Variants in UTRN observed in about 807,000 individuals in gnomAD.
UTRN encodes the protein utrophin.
A neutral mutation model predicts 463.9 loss-of-function variants in UTRN; 283 were observed. The observed-to-expected ratio is 0.61, with a 90% CI of 0.55 to 0.67. The LOEUF (loss-of-function observed/expected upper bound fraction) is 0.67. Among genes scored for constraint, UTRN ranks in the 30% least tolerant of loss-of-function variants. The probability of loss-of-function intolerance (pLI) is 0.00; values close to 1 mark genes in which losing one functional copy is unlikely to be tolerated. For missense variants in UTRN, 3,922 were observed against 4,084.3 expected (o/e 0.96, Z 1.08); for synonymous variants, 1,442 against 1,431.5 (o/e 1.01, Z -0.17).
chr6:144,846,512 T>C (rs1034183235), intron 73 of UTRN, among the ~76,000 whole-genome samples: 41 of 152,186 alleles, frequency 2.7e-4, no homozygotes, highest in Admixed American at 2.2e-3. Flanking sequence ...ATGATTTAAA[T>C]AGGAAATGAG....
chr6:144,732,036 A>AT (rs913960519), intron 54 of UTRN, among the ~76,000 whole-genome samples: 8 of 151,362 alleles, frequency 5.3e-5, no homozygotes, highest in South Asian at 2.1e-4. Flanking sequence ...TAGTTTTCAT[A>AT]TTTTTAGTAG....
chr6:144,821,248 A>G (rs886114812), intron 66 of UTRN, among the ~76,000 whole-genome samples: 1 of 152,200 alleles, frequency 6.6e-6, no homozygotes, highest in Non-Finnish European at 1.5e-5. Flanking sequence ...AAAAATATGT[A>G]TTAATATGTC....
intron 16 of UTRN, among the ~76,000 whole-genome samples, chr6:144,448,310 A>ATTCC (rs769519651): frequency 1.6e-4 from 24 of 152,252 alleles, no homozygotes; most frequent in Non-Finnish European, 2.8e-4. Context: ...ATACGCTATG[A>ATTCC]TTCCATTCAT....
chr6:144,511,227 TCA>T, intron 35 of UTRN, 104 bp downstream of exon 35: 2 of 1,103,018 alleles, frequency 1.8e-6, no homozygotes, highest in Non-Finnish European at 2.4e-6. Flanking sequence ...TTACTGTGTG[TCA>T]CAGTGATGTT....
chr6:144,375,749 C>T (rs909188087), intron 2 of UTRN, among the ~76,000 whole-genome samples: 1 of 152,150 alleles, frequency 6.6e-6, no homozygotes, highest in Admixed American at 6.5e-5. Context: ...CCCTGCCAGG[C>T]GGCTGCCTGG....
intron 71 of UTRN, among the ~76,000 whole-genome samples, chr6:144,838,578 G>T (rs902075674): frequency 6.6e-6 from 1 of 152,238 alleles, no homozygotes; most frequent in African/African-American, 2.4e-5. Context: ...TAAGTGTCAG[G>T]CTGTTCTAAC....
intron 2 of UTRN, among the ~76,000 whole-genome samples, chr6:144,341,023 C>G (rs1777099862): frequency 6.6e-6 from 1 of 152,194 alleles, no homozygotes; most frequent in Admixed American, 6.5e-5. Flanking sequence ...ACCTTGTTTG[C>G]TCCTGAGCTA....
At chr6:144,597,009 T>A (rs576548817) in intron 51 of UTRN, among the ~76,000 whole-genome samples, 1 of 152,224 alleles carries the variant, frequency 6.6e-6, no homozygotes, top group Non-Finnish European at 1.5e-5. Flanking sequence ...GAGGCCAAGG[T>A]GGACAGATCA....
Position 144,769,221 on chromosome 6 carries a change from G to A in UTRN, c.8496-2686G>A, listed in dbSNP as rs190534000. ...GGCAAGAGGAGCTGAGCTATCTGCA[G>A]CTGTTCAAATACTTTAAGCCTTTGG... is the stretch of plus-strand genomic sequence containing the variant. On this transcript the variant is annotated intron_variant, in intron 58 of 74. Coordinates refer to ENST00000367545, the MANE Select transcript of UTRN (RefSeq NM_007124.3). Among the ~76,000 whole-genome samples, 84 of 151,986 alleles carry A rather than the reference G, an allele frequency of 5.5e-4. 1 individual carries two copies. The East Asian group carries it at 0.016, about 29-fold the overall frequency.
chr6:144,444,871 C>A lies in UTRN; in HGVS notation c.1614+489C>A, dbSNP rs997069689. ...CTTTGATTTAACACTGGATTAATTG[C>A]ATATTTTTTCCACTAAGTGTTATCA... is the stretch of plus-strand genomic sequence containing the variant. On this transcript the variant is annotated intron_variant, in intron 14 of 74. Coordinates refer to ENST00000367545, the MANE Select transcript of UTRN (RefSeq NM_007124.3). Among the ~76,000 whole-genome samples the A allele has an allele frequency of 1.7e-4, 26 of 152,146 alleles. 1 individual carries two copies. The highest frequency in any genetic ancestry group is 1.6e-3 in the Admixed American group (24 of 15,278).
In UTRN at chr6:144,318,645, G is replaced by A. The variant is rs193170601; in HGVS notation, c.79+26738G>A. 1.2e-3 allele frequency among the ~76,000 whole-genome samples: 176 copies of A among 152,232 alleles called. 1 individual carries two copies. The East Asian group carries it at 0.029, about 25-fold the overall frequency. ...CGCCTGGCTAATTTTTGTATTTTTA[G>A]TAGAGATGGGGTTTCATCATGTTGG... On this transcript the variant is annotated intron_variant, in intron 2 of 74. Coordinates refer to ENST00000367545, the MANE Select transcript of UTRN (RefSeq NM_007124.3).
chr6:144,526,697 T>C (rs2128598985), intron 41 of UTRN, among the ~76,000 whole-genome samples: 1 of 152,126 alleles, frequency 6.6e-6, no homozygotes, highest in East Asian at 1.9e-4. Flanking sequence ...ATTATTGAGA[T>C]ATGAGGTACT....
chr6:144,736,391 T>C (rs1265692274), intron 54 of UTRN, among the ~76,000 whole-genome samples: 1 of 152,210 alleles, frequency 6.6e-6, no homozygotes, highest in Non-Finnish European at 1.5e-5. Flanking sequence ...TCACCTCTTT[T>C]CTTTTAGGTA....
At chr6:144,687,164 G>A (rs1371089315) in intron 52 of UTRN, among the ~76,000 whole-genome samples, 1 of 152,068 alleles carries the variant, frequency 6.6e-6, no homozygotes, top group Middle Eastern at 3.2e-3. Flanking sequence ...ATGTGCTGTT[G>A]GATTTGGTTT....
At position 144,286,136 on chromosome 6, in the gene UTRN, T is replaced by TGCTCCCCTAATCTTCCTCCCC. The variant is rs1803635658; in HGVS notation, c.-93+318_-93+338dup. On this transcript the variant is annotated intron_variant, in intron 1 of 74. Transcript: ENST00000367545. This position sits in a 1 kb window ranked among gnomAD's most constrained non-coding sequence, Gnocchi z 4.4. Reference sequence around the variant, plus strand: ...TCTGACCAGCTCTGTGCTGCCTCCCTGCTCCCCTAATCTTCCTCCCCGCCG... The same window carrying TGCTCCCCTAATCTTCCTCCCC: ...TCTGACCAGCTCTGTGCTGCCTCCCTGCTCCCCTAATCTTCCTCCCCGCTCCCCTAATCTTCCTCCCCGCCG... 2.0e-5 allele frequency among the ~76,000 whole-genome samples: 3 copies of TGCTCCCCTAATCTTCCTCCCC among 152,220 alleles called. No homozygotes were observed.
chr6:144,581,682 C>A (rs1052473861), intron 51 of UTRN, among the ~76,000 whole-genome samples: 1 of 152,166 alleles, frequency 6.6e-6, no homozygotes, highest in African/African-American at 2.4e-5. Flanking sequence ...TATTTAATAA[C>A]AACTTTCTTG....
intron 2 of UTRN, among the ~76,000 whole-genome samples, chr6:144,339,354 G>T (rs144245427): frequency 6.6e-6 from 1 of 152,192 alleles, no homozygotes; most frequent in African/African-American, 2.4e-5. Context: ...AATTTTTGAA[G>T]TATTGCTTGT....
chr6:144,326,066 G>T (rs1258794020), intron 2 of UTRN, among the ~76,000 whole-genome samples: 1 of 152,146 alleles, frequency 6.6e-6, no homozygotes, highest in Non-Finnish European at 1.5e-5. Flanking sequence ...ATAATCTATT[G>T]TCAGAAGAAA....
At position 144,622,181 on chromosome 6, in the gene UTRN, GTTGTTT is replaced by G. The variant is rs1257688105; in HGVS notation, c.7479+44896_7479+44901del. On this transcript the variant is annotated intron_variant, in intron 51 of 74. Coordinates refer to ENST00000367545, the MANE Select transcript of UTRN (RefSeq NM_007124.3). The stretch of plus-strand genomic sequence containing the variant: ...CAATAGATGGTATCCATTTTTTTTT[GTTGTTT>G]TTTTTTTTTTTTTTTTTTGGAGACG... 9.0e-4 allele frequency among the ~76,000 whole-genome samples: 66 copies of G among 73,726 alleles called. 1 individual carries two copies. The highest frequency in any genetic ancestry group is 3.0e-3 in the African/African-American group (61 of 20,480). The allele number at this position is 73,726 out of a possible 152,430, so 48.4% of individuals were successfully genotyped here.
Sources: gnomAD v4.1 joint callset for allele counts (sites outside exome capture counted in the v4.1 genomes callset) on GRCh38, gnomAD v4.1.1 for gene constraint, Gnocchi (gnomAD v3.1) non-coding constraint, MANE v1.5 for transcripts, NCBI Gene and HGNC (gene_info 2026-07-23, HGNC 2026-07-21) for gene names.